The following ATRNL1 variants were observed in gnomAD, a reference collection of about 807,000 sequenced individuals.
ATRNL1 encodes attractin like 1.
A neutral mutation model predicts 182.7 loss-of-function variants in ATRNL1; 95 were observed. That is an observed-to-expected ratio of 0.52 (90% CI 0.44 to 0.62). The LOEUF (loss-of-function observed/expected upper bound fraction) is 0.62, where lower values mean the gene tolerates loss of function less well. Among genes scored for constraint, ATRNL1 ranks in the 20% least tolerant of loss-of-function variants. ATRNL1 has a pLI of 0.00. For synonymous variants in ATRNL1, 576 were observed against 568.3 expected, an observed-to-expected ratio of 1.01 and a Z score of -0.19; for missense variants, 1,471 against 1,679.5, an observed-to-expected ratio of 0.88 and a Z score of 2.17.
chr10:115,423,345 C>T (rs937822619), intron 20 of ATRNL1, among the ~76,000 whole-genome samples: 16 of 151,898 alleles, frequency 1.1e-4, no homozygotes, highest in African/African-American at 3.9e-4. Flanking sequence ...ACCAGCCTGG[C>T]CAACACGGCA....
chr10:115,311,080 G>A (rs896127856), intron 17 of ATRNL1, among the ~76,000 whole-genome samples: 4 of 152,094 alleles, frequency 2.6e-5, no homozygotes, highest in African/African-American at 4.8e-5. Flanking sequence ...AATCGTTCAG[G>A]AGCAGATTGT....
intron 26 of ATRNL1, among the ~76,000 whole-genome samples, chr10:115,686,794 A>G (rs1946231995): frequency 6.6e-6 from 1 of 152,096 alleles, no homozygotes; most frequent in African/African-American, 2.4e-5. Flanking sequence ...CAAAACTGAT[A>G]GAAACCTTGA....
chr10:115,150,658 A>G (rs1391546817), intron 5 of ATRNL1, among the ~76,000 whole-genome samples: 1 of 151,818 alleles, frequency 6.6e-6, no homozygotes, highest in Non-Finnish European at 1.5e-5. Context: ...TCCTCTTTTC[A>G]TTGATTTCTA....
At chr10:115,892,043 G>A (rs1343255372) in intron 28 of ATRNL1, among the ~76,000 whole-genome samples, 2 of 152,094 alleles carry the variant, frequency 1.3e-5, no homozygotes, top group African/African-American at 4.8e-5. Flanking sequence ...AGGTGAATAC[G>A]GACAAGATTC....
intron 8 of ATRNL1, among the ~76,000 whole-genome samples, chr10:115,187,174 ATT>A (rs34825200): frequency 4.2e-5 from 6 of 141,778 alleles, no homozygotes; most frequent in Admixed American, 7.0e-5. Context: ...TCTGGGAATA[ATT>A]TTTTTTTTTT....
At chr10:115,266,560 G>T (rs1357802697) in intron 11 of ATRNL1, among the ~76,000 whole-genome samples, 2 of 151,452 alleles carry the variant, frequency 1.3e-5, no homozygotes, top group East Asian at 3.9e-4. Context: ...AATATATTAA[G>T]ATTTATAGAA....
intron 21 of ATRNL1, among the ~76,000 whole-genome samples, chr10:115,427,882 A>C (rs1845975553): frequency 6.6e-6 from 1 of 151,118 alleles, no homozygotes; most frequent in Non-Finnish European, 1.5e-5. Context: ...CTTCCTTTTC[A>C]AACTTGTTTT....
At chr10:115,872,128 G>A (rs903597978) in intron 28 of ATRNL1, among the ~76,000 whole-genome samples, 1 of 152,158 alleles carries the variant, frequency 6.6e-6, no homozygotes, top group African/African-American at 2.4e-5. Context: ...TCCAATTCTT[G>A]CATCTGCCAT....
intron 19 of ATRNL1, among the ~76,000 whole-genome samples, chr10:115,347,614 A>G (rs1554940151): frequency 6.6e-6 from 1 of 152,106 alleles, no homozygotes; most frequent in East Asian, 1.9e-4. Flanking sequence ...TTGACTGGCA[A>G]AGCTTTAAAT....
At chr10:115,530,957 C>T (rs1433803015) in intron 25 of ATRNL1, among the ~76,000 whole-genome samples, 3 of 151,990 alleles carry the variant, frequency 2.0e-5, no homozygotes, top group Non-Finnish European at 2.9e-5. Flanking sequence ...AGGGCATGAA[C>T]TCATCATTTT....
intron 24 of ATRNL1, among the ~76,000 whole-genome samples, chr10:115,502,937 G>A (rs928611949): frequency 3.3e-5 from 5 of 152,196 alleles, no homozygotes; most frequent in African/African-American, 7.2e-5. Context: ...CCTCCTCTGC[G>A]ATAGTTTTTG....
intron 25 of ATRNL1, among the ~76,000 whole-genome samples, chr10:115,537,463 CT>C (rs2133773284): frequency 6.6e-6 from 1 of 152,266 alleles, no homozygotes; most frequent in Non-Finnish European, 1.5e-5. Context: ...ATCCTCTTTC[CT>C]TAATGACCTA....
intron 11 of ATRNL1, 51 bp from the exon 12 acceptor site, chr10:115,266,746 A>T (rs1409863200): frequency 5.6e-6 from 6 of 1,064,808 alleles, no homozygotes; most frequent in African/African-American, 1.6e-5. Context: ...AAATCAGTAG[A>T]TAGGGACTTT....
intron 12 of ATRNL1, among the ~76,000 whole-genome samples, chr10:115,268,106 A>G (rs1851684634): frequency 6.6e-6 from 1 of 152,140 alleles, no homozygotes; most frequent in South Asian, 2.1e-4. Context: ...TGTATATTGA[A>G]TAATTAAAAT....
At chr10:115,548,980 T>C (rs1351640514) in intron 25 of ATRNL1, among the ~76,000 whole-genome samples, 2 of 152,162 alleles carry the variant, frequency 1.3e-5, no homozygotes, top group Non-Finnish European at 2.9e-5. Context: ...ACATAAAGGT[T>C]ATTTAATATG....
intron 21 of ATRNL1, among the ~76,000 whole-genome samples, chr10:115,454,303 C>T (rs541211120): frequency 6.6e-6 from 1 of 152,054 alleles, no homozygotes; most frequent in South Asian, 2.1e-4. Flanking sequence ...ATTATTATAG[C>T]CTTGTAATAT....
At chr10:115,098,631 T>G (rs945774621) in intron 1 of ATRNL1, among the ~76,000 whole-genome samples, 24 of 151,662 alleles carry the variant, frequency 1.6e-4, no homozygotes, top group Non-Finnish European at 3.4e-4. Context: ...CCGGCTAATT[T>G]TTTGTTTAGT....
chr10:115,448,443 A>C lies in ATRNL1; in HGVS notation c.3323-13498A>C, dbSNP rs192843712. ...TGACTTTTGGATAAATAATGAAATT[A>C]AGGGAGAAATCAAGAAGTTCTTTGA... On this transcript the variant is annotated intron_variant, in intron 21 of 28. Coordinates refer to ENST00000355044, the MANE Select transcript of ATRNL1 (RefSeq NM_207303.4). Among the ~76,000 whole-genome samples the C allele has an allele frequency of 2.6e-5, 4 of 152,346 alleles. No individual in the cohort carries two copies. In the East Asian group the frequency reaches 7.7e-4, roughly 29 times the overall value.
chr10:115,749,687 A>G (rs1555070157), intron 27 of ATRNL1, among the ~76,000 whole-genome samples: 1 of 151,832 alleles, frequency 6.6e-6, no homozygotes, highest in Non-Finnish European at 1.5e-5. Flanking sequence ...CCAGGTTTAG[A>G]CCTTAGTAAC....
Sources: gnomAD v4.1 joint callset for allele counts (sites outside exome capture counted in the v4.1 genomes callset) on GRCh38, gnomAD v4.1.1 for gene constraint, MANE v1.5 for transcripts, NCBI Gene and HGNC (gene_info 2026-07-23, HGNC 2026-07-21) for gene names.